Variants in TTC4 observed in about 807,000 individuals in gnomAD.
TTC4 encodes the protein hsp70/Hsp90 co-chaperone CNS1 homolog.
A neutral mutation model predicts 51.9 loss-of-function variants in TTC4; 36 were observed. The ratio of observed to expected loss-of-function variants is 0.69; its 90% CI spans 0.53 to 0.92. The LOEUF (loss-of-function observed/expected upper bound fraction) is 0.92, where lower values mean the gene tolerates loss of function less well. Among genes scored for constraint, TTC4 ranks in the 40% least tolerant of loss-of-function variants. TTC4 has a pLI of 0.00. For missense variants in TTC4, 399 were observed against 454.6 expected (o/e 0.88, Z 1.11); for synonymous variants, 144 against 164.2 (o/e 0.88, Z 0.94).
At chr1:54,733,302 C>T (rs535357212) in intron 7 of TTC4, among the ~76,000 whole-genome samples, 1 of 151,926 alleles carries the variant, frequency 6.6e-6, no homozygotes, top group South Asian at 2.1e-4. Context: ...TGCCTGTAGT[C>T]TCAGCTATGC....
intron 8 of TTC4, among the ~76,000 whole-genome samples, chr1:54,734,821 T>C (rs1369749301): frequency 6.6e-6 from 1 of 152,182 alleles, no homozygotes; most frequent in South Asian, 2.1e-4. Flanking sequence ...GATGTCCCAT[T>C]ACCCCTGAAT....
rs748231361 is a variant in TTC4, at chr1:54,716,723, T to G, written c.229+6T>G. The G allele has an allele frequency of 2.5e-6, 4 of 1,595,974 alleles. No homozygotes were observed. In the East Asian group the frequency reaches 8.9e-5, roughly 36 times the overall value. On this transcript the variant is annotated splice_donor_region_variant and intron_variant, in intron 2 of 9. Transcript: ENST00000371281. The stretch of plus-strand genomic sequence containing the variant: ...TGAGGAGCGTTCTCCAGAAGGTATC[T>G]TAACATGACTAATATTTGTTTTGTG...
chr1:54,728,295 A>G, intron 5 of TTC4, 51 bp from the exon 6 acceptor site: 2 of 1,543,852 alleles, frequency 1.3e-6, no homozygotes, highest in South Asian at 1.2e-5. Flanking sequence ...CTAGTGCAAT[A>G]GAAGAGGAAG....
At chr1:54,739,466 A>G (rs1177389595) in intron 9 of TTC4, among the ~76,000 whole-genome samples, 3 of 152,232 alleles carry the variant, frequency 2.0e-5, no homozygotes, top group Admixed American at 6.5e-5. Flanking sequence ...CAAGTATTTG[A>G]GAGCCAATGA....
chr1:54,720,621 A>G (rs1455298116), intron 3 of TTC4, among the ~76,000 whole-genome samples: 1 of 151,952 alleles, frequency 6.6e-6, no homozygotes, highest in Admixed American at 6.6e-5. Context: ...GCTGCATAGT[A>G]TTCAATAGTA....
chr1:54,736,171 GAAAGGAGA>G (rs1645930235), intron 8 of TTC4, among the ~76,000 whole-genome samples: 1 of 108,030 alleles, frequency 9.3e-6, no homozygotes, highest in South Asian at 3.5e-4. Context: ...GAGAAAGAAA[GAAAGGAGA>G]GAGAGAGAGA....
intron 2 of TTC4, 43 bp downstream of exon 2, chr1:54,716,760 CTG>C: frequency 6.6e-7 from 1 of 1,520,526 alleles, no homozygotes; most frequent in Non-Finnish European, 9.0e-7. Context: ...TTCCATTGAA[CTG>C]AAATTAAGTG....
chr1:54,725,587 C>G (rs1645790289), intron 5 of TTC4, among the ~76,000 whole-genome samples: 1 of 152,168 alleles, frequency 6.6e-6, no homozygotes, highest in African/African-American at 2.4e-5. Context: ...TACACAAAGC[C>G]TCTTGACAAA....
chr1:54,725,580 A>G (rs1020440893), intron 5 of TTC4, among the ~76,000 whole-genome samples: 1 of 152,238 alleles, frequency 6.6e-6, no homozygotes, highest in African/African-American at 2.4e-5. Context: ...CAACATGTAC[A>G]CAAAGCCTCT....
At chr1:54,716,752 C>T in intron 2 of TTC4, 35 bp downstream of exon 2, 1 of 1,540,960 alleles carries the variant, frequency 6.5e-7, no homozygotes, top group Non-Finnish European at 8.9e-7. Flanking sequence ...TTTTGTGTTT[C>T]CATTGAACTG....
intron 5 of TTC4, among the ~76,000 whole-genome samples, chr1:54,724,677 C>G (rs929932004): frequency 2.0e-5 from 3 of 151,900 alleles, no homozygotes; most frequent in African/African-American, 7.3e-5. Flanking sequence ...TGATGCAAAA[C>G]TTGACAACTC....
chr1:54,720,025 A>C (rs12065682), intron 3 of TTC4, among the ~76,000 whole-genome samples: 13,957 of 151,626 alleles, frequency 0.092, 912 homozygotes, highest in South Asian at 0.19. Flanking sequence ...CTGCCTCCCG[A>C]GTAGGTAGAA....
At chr1:54,727,976 A>T (rs1012518051) in intron 5 of TTC4, among the ~76,000 whole-genome samples, 12 of 152,232 alleles carry the variant, frequency 7.9e-5, no homozygotes, top group Non-Finnish European at 1.2e-4. Context: ...TATACTTTTT[A>T]AAAAAAATCT....
At position 54,731,618 on chromosome 1, in the gene TTC4, G is replaced by A. The variant is rs764915602; in HGVS notation, c.814G>A (p.Gly272Ser). ...HGARLSLDGQ[G>S]RLSWPVLFLY... ...AGCCAGGCTGAGTCTAGATGGCCAG[G>A]GCAGGCTGAGCTGGCCTGTGCTCTT... is the stretch of plus-strand genomic sequence containing the variant. Residue 272 changes from glycine (G) to serine (S), a missense_variant, in exon 7 of 10, where the codon GGC (glycine) becomes AGC (serine). Transcript: ENST00000371281. 3.1e-6 allele frequency: 5 copies of A among 1,614,058 alleles called. No homozygotes were observed. The highest frequency in any genetic ancestry group is 4.2e-6 in the Non-Finnish European group (5 of 1,179,994).
At chr1:54,738,886 C>T (rs918573820) in intron 9 of TTC4, among the ~76,000 whole-genome samples, 1 of 152,052 alleles carries the variant, frequency 6.6e-6, no homozygotes, top group Non-Finnish European at 1.5e-5. Context: ...TGGTCTCAAA[C>T]TCCTGACCTC....
chr1:54,738,661 C>CTTTTTTT lies in TTC4; in HGVS notation c.1061+1005_1061+1011dup, dbSNP rs567268643. 4.5e-3 allele frequency among the ~76,000 whole-genome samples: 618 copies of CTTTTTTT among 138,782 alleles called. 17 individuals carry two copies. Among genetic ancestry groups the CTTTTTTT allele is most frequent in the African/African-American group, 0.016 (585 of 36,226 alleles). 91.0% of individuals were successfully genotyped at this position (138,782 alleles called of 152,430 possible). A position where few individuals can be genotyped will look rare whatever the true frequency, so the allele number is the denominator to read the frequency against. On this transcript the variant is annotated intron_variant, in intron 9 of 9. Coordinates refer to ENST00000371281, the MANE Select transcript of TTC4 (RefSeq NM_004623.5). ...TGTACATGAAGGCTGCTAGGATGGC[C>CTTTTTTT]TTTTTTTTTTTTTTGAGACGACATC... is the stretch of plus-strand genomic sequence containing the variant.
At chr1:54,729,226 A>G (rs1221825970) in intron 6 of TTC4, among the ~76,000 whole-genome samples, 2 of 152,232 alleles carry the variant, frequency 1.3e-5, no homozygotes, top group Non-Finnish European at 2.9e-5. Flanking sequence ...TACTCAGTGC[A>G]TAATTTAAAA....
chr1:54,740,771 C>T (rs1646001566), intron 9 of TTC4, among the ~76,000 whole-genome samples: 1 of 152,168 alleles, frequency 6.6e-6, no homozygotes, highest in African/African-American at 2.4e-5. Flanking sequence ...CTCCCTGCCT[C>T]TCTAGCCTGC....
Position 54,742,075 on chromosome 1 carries a change from C to T in TTC4, c.*562C>T, listed in dbSNP as rs1442680474. ...TTGCTCTGCATTTATAAAGACCGTA[C>T]AAACTCAGATCCTTGGTACCCCTAA... On this transcript the variant is annotated 3_prime_UTR_variant, in exon 10 of 10. Transcript: ENST00000371281. The T allele has an allele frequency of 6.5e-6, 1 of 153,114 alleles. No individual in the cohort carries two copies. The highest frequency in any genetic ancestry group is 1.9e-4 in the East Asian group (1 of 5,206). 9.5% of individuals were successfully genotyped at this position (153,114 alleles called of 1,614,324 possible).
Sources: allele counts gnomAD v4.1 joint callset (sites outside exome capture counted in the v4.1 genomes callset), GRCh38; gene constraint gnomAD v4.1.1; transcripts MANE v1.5; gene names NCBI Gene and HGNC (gene_info 2026-07-23, HGNC 2026-07-21).